Variants in NUBPL observed in about 807,000 individuals in gnomAD.
NUBPL encodes the protein iron-sulfur cluster transfer protein NUBPL.
A neutral mutation model predicts 45.7 loss-of-function variants in NUBPL; 31 were observed. The observed-to-expected ratio is 0.68, with a 90% CI of 0.51 to 0.92. The LOEUF (loss-of-function observed/expected upper bound fraction) is 0.92. Ranked by LOEUF, NUBPL falls within the 40% of genes least tolerant of loss-of-function variation. NUBPL has a pLI of 0.00. For missense variants in NUBPL, 401 were observed against 398.7 expected, an observed-to-expected ratio of 1.01 and a Z score of -0.05; for synonymous variants, 144 against 140.9, an observed-to-expected ratio of 1.02 and a Z score of -0.15.
At position 31,859,464 on chromosome 14, in the gene NUBPL, T is replaced by A. The variant is rs2040678079; in HGVS notation, c.*284T>A. On this transcript the variant is annotated 3_prime_UTR_variant, in exon 11 of 11. Coordinates refer to ENST00000281081, the MANE Select transcript of NUBPL (RefSeq NM_025152.3). ...CCCTTTAGAAATCACGAGTTTATGA[T>A]GTTACAAGTCCATTTTGGGAGAGAA... 1 of 425,396 alleles carries A rather than the reference T, an allele frequency of 2.4e-6. No individual in the cohort carries two copies. Among genetic ancestry groups the A allele is most frequent in the Non-Finnish European group, 4.4e-6 (1 of 227,922 alleles). 26.4% of individuals were successfully genotyped at this position (425,396 alleles called of 1,614,324 possible). A position where few individuals can be genotyped will look rare whatever the true frequency, so the allele number is the denominator to read the frequency against.
chr14:31,780,486 A>G (rs1028961672), intron 6 of NUBPL, among the ~76,000 whole-genome samples: 6 of 152,226 alleles, frequency 3.9e-5, no homozygotes, highest in Admixed American at 3.9e-4. Flanking sequence ...ACCCTTGTTC[A>G]CAAAGGATAT....
At chr14:31,685,967 G>T (rs1318761228) in intron 6 of NUBPL, among the ~76,000 whole-genome samples, 1 of 152,050 alleles carries the variant, frequency 6.6e-6, no homozygotes, top group African/African-American at 2.4e-5. Flanking sequence ...ATTATTCCAG[G>T]TGACTCTAAT....
At chr14:31,764,969 C>G (rs2038884642) in intron 6 of NUBPL, among the ~76,000 whole-genome samples, 1 of 152,164 alleles carries the variant, frequency 6.6e-6, no homozygotes, top group Non-Finnish European at 1.5e-5. Context: ...CTTAATCTTT[C>G]TCAAAATCTT....
chr14:31,617,824 T>C (rs566963349), intron 4 of NUBPL, among the ~76,000 whole-genome samples: 1 of 152,340 alleles, frequency 6.6e-6, no homozygotes, highest in South Asian at 2.1e-4. Flanking sequence ...TCTTTTTCTA[T>C]TGATTGGAAT....
At chr14:31,575,484 G>A (rs1464908272) in intron 3 of NUBPL, among the ~76,000 whole-genome samples, 3 of 152,180 alleles carry the variant, frequency 2.0e-5, no homozygotes. Context: ...TTAGCACGGT[G>A]TCTGGCATAC....
chr14:31,657,969 C>T (rs924272705), intron 4 of NUBPL, among the ~76,000 whole-genome samples: 7 of 152,110 alleles, frequency 4.6e-5, no homozygotes, highest in African/African-American at 1.7e-4. Flanking sequence ...GAAATGTCCC[C>T]TATAAACAGA....
At chr14:31,781,317 A>C (rs2039187725) in intron 6 of NUBPL, among the ~76,000 whole-genome samples, 1 of 152,218 alleles carries the variant, frequency 6.6e-6, no homozygotes, top group Non-Finnish European at 1.5e-5. Flanking sequence ...TGAGCAGGGG[A>C]ATACATTTAG....
At chr14:31,732,735 C>T (rs1265306924) in intron 6 of NUBPL, among the ~76,000 whole-genome samples, 1 of 151,600 alleles carries the variant, frequency 6.6e-6, no homozygotes, top group Non-Finnish European at 1.5e-5. Flanking sequence ...CCTCAGCCTC[C>T]CAAGTAGCTG....
intron 9 of NUBPL, 81 bp downstream of exon 9, chr14:31,846,672 A>AG: frequency 6.3e-7 from 1 of 1,581,362 alleles, no homozygotes; most frequent in Non-Finnish European, 8.6e-7. Context: ...AGAGTGTCTC[A>AG]GAGGCCGGGC....
intron 1 of NUBPL, chr14:31,561,787 A>T: frequency 3.4e-6 from 2 of 586,014 alleles, no homozygotes; most frequent in Non-Finnish European, 5.9e-6. Flanking sequence ...TATCAAATAG[A>T]TTGAAGAAAA....
intron 6 of NUBPL, among the ~76,000 whole-genome samples, chr14:31,723,497 A>G (rs764424707): frequency 6.6e-6 from 1 of 152,194 alleles, no homozygotes; most frequent in Non-Finnish European, 1.5e-5. Flanking sequence ...TGGTAGTTTG[A>G]TAAGACTGCC....
chr14:31,601,962 C>G (rs1157309427), intron 4 of NUBPL, among the ~76,000 whole-genome samples: 1 of 152,164 alleles, frequency 6.6e-6, no homozygotes, highest in Non-Finnish European at 1.5e-5. Flanking sequence ...TGGCCCTAAT[C>G]ACAATAGCAA....
chr14:31,657,076 AT>A (rs1183953406), intron 4 of NUBPL, among the ~76,000 whole-genome samples: 9 of 152,204 alleles, frequency 5.9e-5, no homozygotes, highest in Non-Finnish European at 1.2e-4. Flanking sequence ...TAAATTGATA[AT>A]TGCCTAAATA....
chr14:31,833,063 T>C lies in NUBPL; in HGVS notation c.693+6349T>C, dbSNP rs546326995. Among the ~76,000 whole-genome samples the C allele has an allele frequency of 1.4e-4, 22 of 152,274 alleles. 1 individual carries two copies. The South Asian group carries it at 4.6e-3, about 32-fold the overall frequency. On this transcript the variant is annotated intron_variant, in intron 8 of 10. Coordinates refer to ENST00000281081, the MANE Select transcript of NUBPL (RefSeq NM_025152.3). ...TTACCTGGGTATTTTAACTAATCCC[T>C]TTAGTTGGTAATAAGAATTTGGGGC...
chr14:31,767,571 A>C (rs955088529), intron 6 of NUBPL, among the ~76,000 whole-genome samples: 3 of 152,198 alleles, frequency 2.0e-5, no homozygotes, highest in African/African-American at 7.2e-5. Context: ...TATCCCCACA[A>C]GTTGAAATTC....
At chr14:31,673,292 A>C in intron 4 of NUBPL, 63 bp from the exon 5 acceptor site, 2 of 1,399,016 alleles carry the variant, frequency 1.4e-6, no homozygotes, top group Non-Finnish European at 2.0e-6. Context: ...AAAAAAACCC[A>C]ATTCAGAATG....
At chr14:31,603,213 T>A (rs560835946) in intron 4 of NUBPL, among the ~76,000 whole-genome samples, 1 of 146,776 alleles carries the variant, frequency 6.8e-6, no homozygotes, top group Non-Finnish European at 1.5e-5. Flanking sequence ...GGTAAGAGGA[T>A]CACTTGAGTC....
intron 6 of NUBPL, among the ~76,000 whole-genome samples, chr14:31,779,610 G>A (rs934633836): frequency 8.5e-5 from 13 of 152,144 alleles, no homozygotes; most frequent in Non-Finnish European, 1.8e-4. Flanking sequence ...TGTCCTCAGA[G>A]CATCCCTAGT....
Position 31,846,512 on chromosome 14 carries a change from A to C in NUBPL, c.735A>C (p.Pro245=). The stretch of plus-strand genomic sequence containing the variant: ...AAAACATGAGTGTTTTCCAGTGTCC[A>C]AAATGTAAACACAAAACTCATATTT... ...LVQNMSVFQC[P]KCKHKTHIFG... Residue 245 remains proline, a synonymous_variant, in exon 9 of 11, where the codon CCA becomes CCC. Transcript: ENST00000281081. The C allele has an allele frequency of 1.2e-6, 2 of 1,613,296 alleles. No individual in the cohort carries two copies. Among genetic ancestry groups the C allele is most frequent in the Non-Finnish European group, 1.7e-6 (2 of 1,179,616 alleles).
Sources: gnomAD v4.1 joint callset for allele counts (sites outside exome capture counted in the v4.1 genomes callset) on GRCh38, gnomAD v4.1.1 for gene constraint, MANE v1.5 for transcripts, NCBI Gene and HGNC (gene_info 2026-07-23, HGNC 2026-07-21) for gene names.